Variants in MACROD2 observed in about 807,000 individuals in gnomAD.
MACROD2 encodes the protein ADP-ribose glycohydrolase MACROD2.
In MACROD2, 36 loss-of-function variants were observed where a neutral mutation model predicts 70.4. That is an observed-to-expected ratio of 0.51 (90% CI 0.39 to 0.68). The LOEUF (loss-of-function observed/expected upper bound fraction) is 0.68. Ranked by LOEUF, MACROD2 falls within the 30% of genes least tolerant of loss-of-function variation. MACROD2 has a pLI of 0.00. For synonymous variants in MACROD2, 172 were observed against 178.8 expected, an observed-to-expected ratio of 0.96 and a Z score of 0.30; for missense variants, 496 against 538.4, an observed-to-expected ratio of 0.92 and a Z score of 0.78.
chr20:14,982,632 C>T (rs1479929060), intron 5 of MACROD2, among the ~76,000 whole-genome samples: 1 of 152,202 alleles, frequency 6.6e-6, no homozygotes, highest in Non-Finnish European at 1.5e-5. Flanking sequence ...AAACCTCAAG[C>T]CTTGGCAGCT....
chr20:15,064,782 A>G (rs1051245960), intron 5 of MACROD2, among the ~76,000 whole-genome samples: 2 of 152,190 alleles, frequency 1.3e-5, no homozygotes, highest in African/African-American at 4.8e-5. Flanking sequence ...ACACTCCGCA[A>G]AACGGCACAC....
chr20:14,291,552 T>A (rs2082386369), intron 3 of MACROD2, among the ~76,000 whole-genome samples: 1 of 151,856 alleles, frequency 6.6e-6, no homozygotes, highest in South Asian at 2.1e-4. Flanking sequence ...GTTTGCAAAT[T>A]TGATAAGTAT....
At chr20:15,722,599 CTATT>C (rs1373092358) in intron 8 of MACROD2, among the ~76,000 whole-genome samples, 20 of 151,974 alleles carry the variant, frequency 1.3e-4, no homozygotes, top group East Asian at 5.8e-4. Context: ...TTTGTAGTAG[CTATT>C]TATTTATTCT....
At chr20:14,684,668 G>A (rs1002566454) in intron 4 of MACROD2, among the ~76,000 whole-genome samples, 175 bp from the exon 5 acceptor site, 10 of 90,642 alleles carry the variant, frequency 1.1e-4, no homozygotes, top group Middle Eastern at 6.8e-3. Context: ...CCCGGCCCCC[G>A]CCAACACACA....
chr20:14,395,330 G>GT (rs1179522599), intron 3 of MACROD2, among the ~76,000 whole-genome samples: 1 of 152,032 alleles, frequency 6.6e-6, no homozygotes, highest in East Asian at 1.9e-4. Flanking sequence ...GGTAGTTCAA[G>GT]TTTTTTAACT....
At chr20:14,130,972 C>T (rs2054711013) in intron 3 of MACROD2, among the ~76,000 whole-genome samples, 1 of 146,736 alleles carries the variant, frequency 6.8e-6, no homozygotes. Flanking sequence ...TTGCCCAAGC[C>T]AGACTGAAGT....
intron 5 of MACROD2, among the ~76,000 whole-genome samples, chr20:14,859,217 A>C (rs553143757): frequency 1.3e-5 from 2 of 152,228 alleles, no homozygotes; most frequent in South Asian, 2.1e-4. Flanking sequence ...CCTGTACCCC[A>C]AAAACTATTG....
chr20:14,298,072 T>C (rs1490098346), intron 3 of MACROD2, among the ~76,000 whole-genome samples: 3 of 151,962 alleles, frequency 2.0e-5, no homozygotes, highest in East Asian at 1.9e-4. Flanking sequence ...TTTCTGCATA[T>C]TTTAAGTCCT....
intron 8 of MACROD2, among the ~76,000 whole-genome samples, chr20:15,616,573 C>A (rs1215111896): frequency 1.3e-5 from 2 of 152,276 alleles, no homozygotes; most frequent in Non-Finnish European, 2.9e-5. Flanking sequence ...CTGGTAAACG[C>A]CCCAGGACAT....
At chr20:14,658,046 T>G (rs1279746490) in intron 4 of MACROD2, among the ~76,000 whole-genome samples, 1 of 152,130 alleles carries the variant, frequency 6.6e-6, no homozygotes, top group African/African-American at 2.4e-5. Flanking sequence ...GTAACTGCAT[T>G]GCAGTTAAGC....
intron 5 of MACROD2, among the ~76,000 whole-genome samples, chr20:15,066,660 G>A (rs1339854288): frequency 6.6e-6 from 1 of 151,858 alleles, no homozygotes; most frequent in Non-Finnish European, 1.5e-5. Flanking sequence ...CGGGTAGATT[G>A]ACTGAGCTAG....
chr20:15,193,598 T>C (rs1414176267), intron 5 of MACROD2, among the ~76,000 whole-genome samples: 2 of 152,080 alleles, frequency 1.3e-5, no homozygotes, highest in African/African-American at 2.4e-5. Flanking sequence ...CAGTGAGCCC[T>C]ATCACTGCAC....
intron 6 of MACROD2, among the ~76,000 whole-genome samples, chr20:15,324,188 T>C (rs1333762756): frequency 6.6e-6 from 1 of 152,088 alleles, no homozygotes; most frequent in Non-Finnish European, 1.5e-5. Flanking sequence ...TCTCTTTCTC[T>C]CTCTCAATTT....
intron 5 of MACROD2, among the ~76,000 whole-genome samples, chr20:15,035,798 C>T (rs762984689): frequency 6.6e-6 from 1 of 152,184 alleles, no homozygotes; most frequent in African/African-American, 2.4e-5. Flanking sequence ...TTGGGGCCTA[C>T]CAGGAAATCC....
intron 5 of MACROD2, among the ~76,000 whole-genome samples, chr20:15,135,983 A>G (rs2076144519): frequency 6.7e-6 from 1 of 148,464 alleles, no homozygotes; most frequent in Non-Finnish European, 1.5e-5. Flanking sequence ...AGAATAACAT[A>G]CCTAGGAATC....
intron 5 of MACROD2, among the ~76,000 whole-genome samples, chr20:15,055,402 T>TG (rs1316705598): frequency 6.6e-6 from 1 of 152,128 alleles, no homozygotes; most frequent in Non-Finnish European, 1.5e-5. Context: ...CATCAATCTC[T>TG]GGGTCTTGGT....
In MACROD2 at chr20:15,623,268, AACTTTGTT is replaced by A. The variant is rs1242052108; in HGVS notation, c.645+123424_645+123431del. Among the ~76,000 whole-genome samples the A allele has an allele frequency of 3.9e-5, 6 of 152,370 alleles. No homozygotes were observed. In the East Asian group the frequency reaches 1.2e-3, roughly 29 times the overall value. On this transcript the variant is annotated intron_variant, in intron 8 of 17. Coordinates refer to ENST00000684519, the MANE Select transcript of MACROD2 (RefSeq NM_001351661.2). ...ATACAAAAGCCAGATAGCAATCACT[AACTTTGTT>A]ACATCATAGGCATAGATAATTTTAA...
intron 3 of MACROD2, among the ~76,000 whole-genome samples, chr20:14,135,214 C>G (rs2054778317): frequency 6.6e-6 from 1 of 152,010 alleles, no homozygotes; most frequent in Admixed American, 6.6e-5. Context: ...TAAGAAATCT[C>G]CATACCAATA....
At chr20:15,098,620 G>T (rs918452793) in intron 5 of MACROD2, among the ~76,000 whole-genome samples, 1 of 152,218 alleles carries the variant, frequency 6.6e-6, no homozygotes, top group African/African-American at 2.4e-5. Flanking sequence ...GAATAGAGTG[G>T]TGAATAAGAT....
Sources: allele counts gnomAD v4.1 joint callset (sites outside exome capture counted in the v4.1 genomes callset), GRCh38; gene constraint gnomAD v4.1.1; transcripts MANE v1.5; gene names NCBI Gene and HGNC (gene_info 2026-07-23, HGNC 2026-07-21).